FRYL: variants seen among roughly 807,000 people sequenced by gnomAD.
FRYL encodes protein furry homolog-like.
FRYL carries 150 observed loss-of-function variants against 351.2 expected under a neutral mutation model. The ratio of observed to expected loss-of-function variants is 0.43; its 90% CI spans 0.37 to 0.49. FRYL has a LOEUF of 0.49. Ranked by LOEUF, FRYL falls within the 20% of genes least tolerant of loss-of-function variation. The pLI is 0.00. For synonymous variants in FRYL, 1,153 were observed against 1,257.1 expected (o/e 0.92, Z 1.75); for missense variants, 3,036 against 3,619.3 (o/e 0.84, Z 4.13).
At chr4:48,724,686 C>T (rs1769884374) in intron 1 of FRYL, among the ~76,000 whole-genome samples, 1 of 152,048 alleles carries the variant, frequency 6.6e-6, no homozygotes, top group African/African-American at 2.4e-5. Context: ...TAATAAATGA[C>T]AAGAATCAAA....
intron 55 of FRYL, chr4:48,520,450 G>A (rs1724655015): frequency 1.3e-5 from 2 of 151,940 alleles, no homozygotes; most frequent in African/African-American, 2.4e-5. Context: ...AATAAAAAAA[G>A]CACATATGGC....
rs776981972 is a variant in FRYL, at chr4:48,619,207, C to T, written c.411+67G>A. The T allele has an allele frequency of 8.1e-6, 8 of 987,632 alleles. 1 individual carries two copies. The South Asian group carries it at 9.8e-5, about 12-fold the overall frequency. The allele number at this position is 987,632 out of a possible 1,614,324, so 61.2% of individuals were successfully genotyped here. ...TTCTAGACACAGCATCTTAAAGTAA[C>T]TGAAACACGAAGGCACAGTAAGCAA... On this transcript the variant is annotated intron_variant, in intron 7 of 63. Transcript: ENST00000358350.
chr4:48,694,143 A>C (rs1765916014), intron 2 of FRYL, among the ~76,000 whole-genome samples: 1 of 152,140 alleles, frequency 6.6e-6, no homozygotes. Flanking sequence ...CACAGCAAAG[A>C]GATTAAGCTG....
chr4:48,565,557 T>G lies in FRYL; in HGVS notation c.3304A>C (p.Asn1102His). Reference sequence around the variant, plus strand: ...TTTAACGCACAGTATTGATGTCTATTAATTTGCATATTTCTATCACTGTAT... The same window carrying G: ...TTTAACGCACAGTATTGATGTCTATGAATTTGCATATTTCTATCACTGTAT... ...DRYSDRNMQINRHQYCALKAM... is the reference protein window; with the variant it reads ...DRYSDRNMQIHRHQYCALKAM... Residue 1102 changes from asparagine (N) to histidine (H), a missense_variant, in exon 29 of 64, where the codon AAT becomes CAT. Coordinates refer to ENST00000358350, the MANE Select transcript of FRYL (RefSeq NM_015030.2). The G allele has an allele frequency of 6.2e-7, 1 of 1,608,856 alleles. No homozygotes were observed. Among genetic ancestry groups the G allele is most frequent in the Non-Finnish European group, 8.5e-7 (1 of 1,178,800 alleles).
At chr4:48,739,878 A>C (rs1771854145) in intron 1 of FRYL, among the ~76,000 whole-genome samples, 1 of 152,190 alleles carries the variant, frequency 6.6e-6, no homozygotes. Flanking sequence ...TTAATGGGTT[A>C]TCATGGGAAC....
chr4:48,694,586 T>C (rs1421168336), intron 2 of FRYL, among the ~76,000 whole-genome samples: 10 of 152,134 alleles, frequency 6.6e-5, no homozygotes, highest in Admixed American at 3.9e-4. Context: ...TGTGAGCCAC[T>C]GTGCCCAACC....
chr4:48,748,168 C>T (rs1772872069), intron 1 of FRYL, among the ~76,000 whole-genome samples: 1 of 152,038 alleles, frequency 6.6e-6, no homozygotes. Context: ...ATCATTTGAA[C>T]CTGGGAGGCA....
chr4:48,587,132 T>A (rs1578235402), intron 18 of FRYL, among the ~76,000 whole-genome samples: 1 of 152,040 alleles, frequency 6.6e-6, no homozygotes, highest in East Asian at 1.9e-4. Context: ...GAGGGGCCTA[T>A]AAAATTAGCC....
intron 23 of FRYL, 134 bp from the exon 24 acceptor site, chr4:48,576,356 C>T: frequency 3.1e-6 from 2 of 635,166 alleles, no homozygotes; most frequent in Non-Finnish European, 5.0e-6. Flanking sequence ...GGCCGGAGTG[C>T]AACTGGCATA....
intron 1 of FRYL, among the ~76,000 whole-genome samples, chr4:48,723,835 C>T (rs1769761804): frequency 6.6e-6 from 1 of 151,114 alleles, no homozygotes; most frequent in South Asian, 2.1e-4. Flanking sequence ...CCTGTAATCA[C>T]AATACTTTGG....
intron 41 of FRYL, 128 bp from the exon 42 acceptor site, chr4:48,546,399 G>T: frequency 1.4e-6 from 1 of 691,666 alleles, no homozygotes; most frequent in Non-Finnish European, 2.5e-6. Flanking sequence ...AAGGTGATGT[G>T]AATCAGTGCT....
At chr4:48,659,113 A>C (rs1342985485) in intron 3 of FRYL, among the ~76,000 whole-genome samples, 2 of 151,986 alleles carry the variant, frequency 1.3e-5, no homozygotes, top group Non-Finnish European at 2.9e-5. Flanking sequence ...CACTTTGGGA[A>C]GCCAAGGTGG....
At chr4:48,671,533 A>C (rs888763494) in intron 3 of FRYL, among the ~76,000 whole-genome samples, 3 of 151,966 alleles carry the variant, frequency 2.0e-5, no homozygotes, top group African/African-American at 7.2e-5. Context: ...TGGGTGTGAT[A>C]GCGCATGCCT....
chr4:48,709,633 C>A (rs1767788880), intron 2 of FRYL, among the ~76,000 whole-genome samples: 1 of 152,136 alleles, frequency 6.6e-6, no homozygotes, highest in Non-Finnish European at 1.5e-5. Flanking sequence ...CATTATAGTT[C>A]ATAAAGTGTT....
At chr4:48,642,294 T>A (rs913797243) in intron 3 of FRYL, among the ~76,000 whole-genome samples, 3 of 152,198 alleles carry the variant, frequency 2.0e-5, no homozygotes, top group Admixed American at 1.3e-4. Context: ...AAACTTGACA[T>A]CTTTATATTA....
At chr4:48,571,872 T>G in intron 26 of FRYL, 1 of 985,350 alleles carries the variant, frequency 1.0e-6, no homozygotes, top group Non-Finnish European at 1.2e-6. Context: ...GGCACATCAC[T>G]GCATGTGTTT....
At chr4:48,505,364 A>G (rs1720673581) in intron 60 of FRYL, 183 bp downstream of exon 60, 1 of 639,182 alleles carries the variant, frequency 1.6e-6, no homozygotes. Context: ...TATTAAAGTG[A>G]ATTTTTCATT....
chr4:48,593,683 C>T (rs543170934), intron 16 of FRYL, among the ~76,000 whole-genome samples: 3 of 152,116 alleles, frequency 2.0e-5, no homozygotes, highest in African/African-American at 4.8e-5. Flanking sequence ...TTTTCTACCA[C>T]GCTTAAACAC....
rs760552435 is a variant in FRYL at position 48,564,001 on chromosome 4, G to A, written c.3543C>T (p.Ser1181=). Residue 1181 remains serine, a synonymous_variant, in exon 31 of 64, where the codon TCC becomes TCT. Coordinates refer to ENST00000358350, the MANE Select transcript of FRYL (RefSeq NM_015030.2). Reference sequence around the variant, plus strand: ...TAAAGCAGCCGGCCGCCACCCTCCCGGAGCCCGTGTAGCAGCGGTCCACAG... The same window carrying A: ...TAAAGCAGCCGGCCGCCACCCTCCCAGAGCCCGTGTAGCAGCGGTCCACAG... ...YWAVDRCYTG[S]GRVAAGCFKA... 74 of 1,613,930 alleles carry A rather than the reference G, an allele frequency of 4.6e-5. No individual in the cohort carries two copies. The Admixed American group carries it at 5.8e-4, about 13-fold the overall frequency.
Sources: allele counts gnomAD v4.1 joint callset (sites outside exome capture counted in the v4.1 genomes callset), GRCh38; gene constraint gnomAD v4.1.1; transcripts MANE v1.5; gene names NCBI Gene and HGNC (gene_info 2026-07-23, HGNC 2026-07-21).